Variants in DOCK8 observed in about 807,000 individuals in gnomAD.
DOCK8 encodes dedicator of cytokinesis 8.
In DOCK8, 141 loss-of-function variants were observed where a neutral mutation model predicts 245.6. The ratio of observed to expected loss-of-function variants is 0.57; its 90% CI spans 0.50 to 0.66. The LOEUF (loss-of-function observed/expected upper bound fraction) is 0.66, where lower values mean the gene tolerates loss of function less well. DOCK8 is among the 30% of genes least tolerant of loss of function. The pLI is 0.00. For missense variants in DOCK8, 2,965 were observed against 2,603.4 expected (o/e 1.14, Z -3.02); for synonymous variants, 1,168 against 970.2 (o/e 1.20, Z -3.79).
chr9:449,838 C>G lies in DOCK8; in HGVS notation c.5872C>G (p.Gln1958Glu). Residue 1958 changes from glutamine (Q) to glutamate (E), a missense_variant, in exon 45 of 48, where the codon CAG becomes GAG. Around this residue, in one of 3 missense-constraint regions of DOCK8, gnomAD observed 2,825 missense variants for 2,453.5 expected, o/e 1.15. Transcript: ENST00000432829. ...TGAAGACATGAAGAAGAAGACCCTG[C>G]AGTTAGCAGTTGCCATTAACCAGGA... is the stretch of plus-strand genomic sequence containing the variant. ...AIEDMKKKTL[Q>E]LAVAINQEPP... is the part of the protein sequence containing the mutation. 6.2e-7 allele frequency: 1 copy of G among 1,613,504 alleles called. No homozygotes were observed. Among genetic ancestry groups the G allele is most frequent in the African/African-American group, 1.3e-5 (1 of 75,002 alleles).
At chr9:455,142 G>C (rs1479421975) in intron 46 of DOCK8, among the ~76,000 whole-genome samples, 1 of 152,194 alleles carries the variant, frequency 6.6e-6, no homozygotes, top group African/African-American at 2.4e-5. Flanking sequence ...AGGAGGCCAG[G>C]AGACTGTCCA....
intron 4 of DOCK8, among the ~76,000 whole-genome samples, chr9:294,095 C>T (rs1470968928): frequency 1.3e-5 from 2 of 152,154 alleles, no homozygotes; most frequent in African/African-American, 4.8e-5. Flanking sequence ...ATATTACAAA[C>T]ATTTCTTTAA....
At chr9:327,000 T>G (rs1329889493) in intron 8 of DOCK8, among the ~76,000 whole-genome samples, 1 of 152,190 alleles carries the variant, frequency 6.6e-6, no homozygotes, top group Non-Finnish European at 1.5e-5. Flanking sequence ...CCAGGAGCAC[T>G]GTTCACATCA....
intron 14 of DOCK8, among the ~76,000 whole-genome samples, chr9:350,340 A>G (rs2052101459): frequency 6.6e-6 from 1 of 152,148 alleles, no homozygotes; most frequent in Non-Finnish European, 1.5e-5. Context: ...TTGAACTCCT[A>G]GCCTCAAGCA....
chr9:400,934 T>A (rs1326575179), intron 26 of DOCK8, among the ~76,000 whole-genome samples: 1 of 20,540 alleles, frequency 4.9e-5, no homozygotes, highest in Non-Finnish European at 7.2e-5. Context: ...CACCACAACA[T>A]CCACCACCAC....
intron 14 of DOCK8, among the ~76,000 whole-genome samples, chr9:353,333 A>G (rs2052266754): frequency 6.6e-6 from 1 of 152,172 alleles, no homozygotes; most frequent in South Asian, 2.1e-4. Context: ...CCTGATTCCA[A>G]TACTTTCTTC....
chr9:421,440 C>G (rs1210300159), intron 32 of DOCK8, among the ~76,000 whole-genome samples: 2 of 152,184 alleles, frequency 1.3e-5, no homozygotes, highest in Non-Finnish European at 2.9e-5. Flanking sequence ...GGAGCATGGT[C>G]AAGAAACTGA....
rs78229803 is a variant in DOCK8 at position 394,515 on chromosome 9, T to A, written c.2971-2270T>A. Among the ~76,000 whole-genome samples the A allele has an allele frequency of 7.2e-3, 1,100 of 152,362 alleles. 15 individuals are homozygous for A. Among genetic ancestry groups the A allele is most frequent in the South Asian group, 0.035 (171 of 4,828 alleles). ...ACCTGGGCAATTTAACACCCTCTAGTTGTGTCAGTGCCCAAGCGCTAATGA... is the reference window on the plus strand; with the variant it reads ...ACCTGGGCAATTTAACACCCTCTAGATGTGTCAGTGCCCAAGCGCTAATGA... On this transcript the variant is annotated intron_variant, in intron 24 of 47. Coordinates refer to ENST00000432829, the MANE Select transcript of DOCK8 (RefSeq NM_203447.4).
rs144198111 is a variant in DOCK8 at position 294,483 on chromosome 9, A to G, written c.404+4902A>G. 4.1e-3 allele frequency among the ~76,000 whole-genome samples: 631 copies of G among 152,274 alleles called. 24 individuals are homozygous for G. Among genetic ancestry groups the G allele is most frequent in the Admixed American group, 0.037 (561 of 15,288 alleles). On this transcript the variant is annotated intron_variant, in intron 4 of 47. Coordinates refer to ENST00000432829, the MANE Select transcript of DOCK8 (RefSeq NM_203447.4). ...CAGTTCCTCCAGTCTTCTTTTAGTTATTATTTTAATCTGGAAGCTATTACA... is the reference window on the plus strand; with the variant it reads ...CAGTTCCTCCAGTCTTCTTTTAGTTGTTATTTTAATCTGGAAGCTATTACA...
intron 23 of DOCK8, among the ~76,000 whole-genome samples, chr9:387,269 C>A (rs113582992): frequency 6.6e-6 from 1 of 151,922 alleles, no homozygotes; most frequent in Non-Finnish European, 1.5e-5. Flanking sequence ...CATGGTGAAA[C>A]CCCCTCCTAC....
Position 422,082 on chromosome 9 carries a change from G to C in DOCK8, c.4188G>C (p.Leu1396Phe). The part of the protein sequence containing the change: ...NDRFPGLNEN[L>F]RWKKEQTHWR... The stretch of plus-strand genomic sequence containing the variant: ...GATTTCCAGGCCTAAATGAAAATTT[G>C]AGATGGAAGAAAGAGCAGACACATT... The change falls in exon 33 of 48, where the codon TTG becomes TTC. Residue 1396 changes from leucine to phenylalanine, a missense_variant. By Grantham distance (22) the Leu-to-Phe change is conservative. This residue lies in a region of DOCK8 where 2,825 missense variants were observed against 2,453.5 expected (regional missense o/e 1.15). Coordinates refer to ENST00000432829, the MANE Select transcript of DOCK8 (RefSeq NM_203447.4). 2 of 1,614,092 alleles carry C rather than the reference G, an allele frequency of 1.2e-6. No homozygotes were observed. Among genetic ancestry groups the C allele is most frequent in the Non-Finnish European group, 1.7e-6 (2 of 1,180,022 alleles).
In DOCK8 at chr9:386,436, A is replaced by G. The variant is rs1563993712; in HGVS notation, c.2874+10A>G. 10 of 1,610,940 alleles carry G rather than the reference A, an allele frequency of 6.2e-6. No homozygotes were observed. The highest frequency in any genetic ancestry group is 1.1e-5 in the South Asian group (1 of 90,958). On this transcript the variant is annotated intron_variant, in intron 23 of 47. Transcript: ENST00000432829. ...GCCAGCCAGCAAAAAGGTACTGAAG[A>G]GAGCAATGTGAGGTTCATCCCAGGA...
chr9:428,029 G>A (rs757683880), intron 34 of DOCK8, among the ~76,000 whole-genome samples: 8 of 152,202 alleles, frequency 5.3e-5, no homozygotes, highest in Non-Finnish European at 1.2e-4. Flanking sequence ...CCACAATTGT[G>A]TTTTGCATCC....
intron 44 of DOCK8, among the ~76,000 whole-genome samples, chr9:447,619 G>A (rs1215415197): frequency 1.3e-5 from 2 of 152,138 alleles, no homozygotes; most frequent in Non-Finnish European, 2.9e-5. Flanking sequence ...GGTTTTCATA[G>A]AAAGAAATCT....
intron 43 of DOCK8, 74 bp downstream of exon 43, chr9:443,590 T>G: frequency 5.0e-6 from 6 of 1,194,734 alleles, no homozygotes; most frequent in Non-Finnish European, 7.4e-6. Flanking sequence ...TACCTAATGA[T>G]CTCATCTATC....
At chr9:374,628 ATT>A (rs3028572) in intron 18 of DOCK8, among the ~76,000 whole-genome samples, 25,225 of 136,990 alleles carry the variant, frequency 0.18, 2,750 homozygotes, top group Middle Eastern at 0.29. Context: ...CGCCCAGCTA[ATT>A]TTTTTTTTTT....
intron 30 of DOCK8, among the ~76,000 whole-genome samples, chr9:419,155 G>A (rs1279535196): frequency 2.6e-5 from 4 of 152,214 alleles, no homozygotes; most frequent in Non-Finnish European, 5.9e-5. Context: ...ACATTTCAAT[G>A]TAGGGTATAG....
chr9:445,879 G>A (rs992154000), intron 43 of DOCK8, among the ~76,000 whole-genome samples: 2 of 152,164 alleles, frequency 1.3e-5, no homozygotes, highest in African/African-American at 2.4e-5. Context: ...ATAAGAGACC[G>A]CCAGCTTCTT....
chr9:276,081 G>A (rs1172726921), intron 2 of DOCK8, among the ~76,000 whole-genome samples: 1 of 151,398 alleles, frequency 6.6e-6, no homozygotes, highest in Non-Finnish European at 1.5e-5. Context: ...AGTAAAGACG[G>A]GGTTTCGCCA....
Sources: gnomAD v4.1 joint callset for allele counts (sites outside exome capture counted in the v4.1 genomes callset) on GRCh38, gnomAD v4.1.1 for gene constraint, gnomAD v4.1.1 regional missense constraint, MANE v1.5 for transcripts, NCBI Gene and HGNC (gene_info 2026-07-23, HGNC 2026-07-21) for gene names.